CAST: variants seen among roughly 807,000 people sequenced by gnomAD.
CAST encodes MIR583 host.
A neutral mutation model predicts 119.6 loss-of-function variants in CAST; 76 were observed. The observed-to-expected ratio is 0.64, with a 90% confidence interval of 0.53 to 0.77. CAST has a LOEUF of 0.77. CAST is among the 30% of genes least tolerant of loss of function. The pLI is 0.00. For missense variants in CAST, 953 were observed against 946.5 expected, an observed-to-expected ratio of 1.01 and a Z score of -0.09; for synonymous variants, 319 against 331.6, an observed-to-expected ratio of 0.96 and a Z score of 0.41.
chr5:96,632,672 T>A (rs879388998), intron 1 of CAST, among the ~76,000 whole-genome samples: 46,475 of 151,784 alleles, frequency 0.31, 7,152 homozygotes, highest in African/African-American at 0.33. Context: ...GTCTCAGCGC[T>A]ATTTGTCGAA....
the CAST span, among the ~76,000 whole-genome samples, chr5:96,396,096 A>T: frequency 1.3e-5 from 2 of 152,266 alleles, no homozygotes; most frequent in Non-Finnish European, 2.9e-5. Flanking sequence ...TGCTAAGAAC[A>T]TTCTTTTTTT....
intron 1 of CAST, among the ~76,000 whole-genome samples, chr5:96,606,029 T>C (rs1413398963): frequency 6.6e-6 from 1 of 152,230 alleles, no homozygotes; most frequent in Non-Finnish European, 1.5e-5. Context: ...TGGAGTTCAC[T>C]CTGCCACTCC....
chr5:96,740,095 C>T lies in CAST; in HGVS notation c.856C>T (p.Pro286Ser). The change falls in exon 12 of 32, where the codon CCA becomes TCA. Residue 286 changes from proline to serine, a missense_variant. Physicochemically the swap from Pro to Ser is moderately conservative, Grantham distance 74. Coordinates refer to ENST00000675179, the MANE Select transcript of CAST (RefSeq NM_001750.7). The stretch of plus-strand genomic sequence containing the variant: ...GGGTAAAAGAGAAGTCACAATTCCT[C>T]CAAAATATAGGGAACTATTGGCTGT... ...ELGKREVTIPPKYRELLAKKE... is the reference protein window; with the variant it reads ...ELGKREVTIPSKYRELLAKKE... The T allele has an allele frequency of 1.3e-6, 2 of 1,549,330 alleles. No homozygotes were observed. The highest frequency in any genetic ancestry group is 3.5e-5 in the Admixed American group (2 of 57,124).
At chr5:96,671,021 G>A (rs758571886) in intron 1 of CAST, among the ~76,000 whole-genome samples, 4 of 152,202 alleles carry the variant, frequency 2.6e-5, no homozygotes, top group Non-Finnish European at 4.4e-5. Flanking sequence ...GATTTTAAAC[G>A]TATAGAGGCT....
At chr5:96,569,643 T>G (rs1402017012) in intron 1 of CAST, among the ~76,000 whole-genome samples, 1 of 152,208 alleles carries the variant, frequency 6.6e-6, no homozygotes, top group Non-Finnish European at 1.5e-5. Context: ...TTTGTCTTAC[T>G]GCTAACCTAG....
chr5:96,422,017 A>AG, the CAST span: 1 of 844,102 alleles, frequency 1.2e-6, no homozygotes, highest in Non-Finnish European at 1.9e-6. Flanking sequence ...AAAAAAAAAA[A>AG]AAGCATCACT....
At chr5:96,320,935 A>G in the CAST span, among the ~76,000 whole-genome samples, 1 of 152,154 alleles carries the variant, frequency 6.6e-6, no homozygotes, top group Non-Finnish European at 1.5e-5. Flanking sequence ...TAATATGTTA[A>G]AATAATTGGT....
chr5:95,989,201 A>G, the CAST span, among the ~76,000 whole-genome samples: 1 of 152,318 alleles, frequency 6.6e-6, no homozygotes, highest in South Asian at 2.1e-4. Flanking sequence ...TTCTTGATGG[A>G]AAAGAGACAA....
At chr5:96,121,373 G>A in the CAST span, among the ~76,000 whole-genome samples, 1 of 151,922 alleles carries the variant, frequency 6.6e-6, no homozygotes. Flanking sequence ...TATTAAATAG[G>A]ACAGTCTTCA....
the CAST span, among the ~76,000 whole-genome samples, chr5:96,341,923 C>A: frequency 1.3e-5 from 2 of 152,250 alleles, no homozygotes; most frequent in African/African-American, 4.8e-5. Context: ...GATTTAATAG[C>A]TTCTCCCAAC....
the CAST span, among the ~76,000 whole-genome samples, chr5:96,263,602 TAGAGAGAGAG>T: frequency 2.1e-5 from 3 of 146,044 alleles, no homozygotes; most frequent in African/African-American, 5.0e-5. Flanking sequence ...GATAGCAAAT[TAGAGAGAGAG>T]AGAGAGAGAG....
At chr5:96,481,107 A>G in the CAST span, among the ~76,000 whole-genome samples, 1 of 137,064 alleles carries the variant, frequency 7.3e-6, no homozygotes, top group South Asian at 2.2e-4. Context: ...CTCTCAATCA[A>G]AGTTTTTTTT....
At chr5:96,378,787 A>G in the CAST span, among the ~76,000 whole-genome samples, 1 of 152,094 alleles carries the variant, frequency 6.6e-6, no homozygotes, top group African/African-American at 2.4e-5. Flanking sequence ...AATTCATTTT[A>G]TTATCATTCA....
intron 1 of CAST, among the ~76,000 whole-genome samples, chr5:96,550,966 G>A (rs1259368866): frequency 6.6e-6 from 1 of 152,176 alleles, no homozygotes; most frequent in Non-Finnish European, 1.5e-5. Context: ...GTCACGGGGG[G>A]AATGGAACCA....
In CAST at chr5:96,770,529, A is replaced by G; in HGVS notation, c.2269-2A>G. On this transcript the variant is annotated splice_acceptor_variant, in intron 29 of 31. Transcript: ENST00000675179. LOFTEE classifies it high-confidence loss of function. ...AGCCTCATTACATTTCCTTTGCTTT[A>G]GGATAAGTGCAAGAAGGCTGCTTCC... is the stretch of plus-strand genomic sequence containing the variant. 1 of 1,608,540 alleles carries G rather than the reference A, an allele frequency of 6.2e-7. No individual in the cohort carries two copies. Among genetic ancestry groups the G allele is most frequent in the Non-Finnish European group, 8.5e-7 (1 of 1,175,190 alleles).
chr5:96,097,490 C>T, the CAST span, among the ~76,000 whole-genome samples: 124 of 152,130 alleles, frequency 8.2e-4, no homozygotes, highest in Non-Finnish European at 1.7e-3. Context: ...TTTCCCTCCT[C>T]CCCACTCTGA....
chr5:96,409,778 A>G, the CAST span, among the ~76,000 whole-genome samples: 3 of 152,196 alleles, frequency 2.0e-5, no homozygotes, highest in African/African-American at 7.2e-5. Flanking sequence ...GTAGAATGCC[A>G]CTGTCTATTA....
At chr5:96,762,117 ATTT>A in intron 24 of CAST, 154 bp from the exon 25 acceptor site, 1 of 455,792 alleles carries the variant, frequency 2.2e-6, no homozygotes, top group Non-Finnish European at 3.9e-6. Context: ...AGAAGAAAGA[ATTT>A]AAATTTCTTT....
At chr5:96,060,876 G>A in the CAST span, among the ~76,000 whole-genome samples, 3 of 152,144 alleles carry the variant, frequency 2.0e-5, no homozygotes, top group Non-Finnish European at 4.4e-5. Context: ...AGAAGTCCCA[G>A]GTCAAGGTCT....
Sources: allele counts gnomAD v4.1 joint callset (sites outside exome capture counted in the v4.1 genomes callset), GRCh38; gene constraint gnomAD v4.1.1; transcripts MANE v1.5; gene names NCBI Gene and HGNC (gene_info 2026-07-23, HGNC 2026-07-21).